The following ZNF469 variants were observed in gnomAD, a reference collection of about 807,000 sequenced individuals.
ZNF469 encodes zinc finger protein 469.
A neutral mutation model predicts 1.0 loss-of-function variants in ZNF469; 1 was observed. The observed-to-expected ratio is 1.00, with a 90% confidence interval of 0.35 to 4.73. The LOEUF (loss-of-function observed/expected upper bound fraction) is 4.73. Ranked by LOEUF, ZNF469 falls within the 30% of genes most tolerant of loss-of-function variation. The probability of loss-of-function intolerance (pLI) is 0.16; values close to 1 mark genes in which losing one functional copy is unlikely to be tolerated. For missense variants in ZNF469, 6,100 were observed against 5,356.3 expected (o/e 1.14, Z -4.33); for synonymous variants, 2,703 against 2,363.4 (o/e 1.14, Z -4.17).
chr16:88,289,960 G>T, the ZNF469 span, among the ~76,000 whole-genome samples: 1 of 152,192 alleles, frequency 6.6e-6, no homozygotes, highest in Admixed American at 6.5e-5. Context: ...ACATTGTCTG[G>T]AGCCTGAGGC....
the ZNF469 span, among the ~76,000 whole-genome samples, chr16:88,247,737 A>G: frequency 1.3e-5 from 2 of 151,446 alleles, no homozygotes; most frequent in Admixed American, 6.6e-5. Flanking sequence ...GAGTGAGTCA[A>G]TGAGTGAGTG....
At chr16:88,389,142 A>G (rs1904414982) in intron 1 of ZNF469, among the ~76,000 whole-genome samples, 1 of 152,202 alleles carries the variant, frequency 6.6e-6, no homozygotes, top group Non-Finnish European at 1.5e-5. Flanking sequence ...CACCCCAAAA[A>G]AAACCCTGTG....
Position 88,429,449 on chromosome 16 carries a change from A to T in ZNF469, c.1979A>T (p.His660Leu), listed in dbSNP as rs747984776. ...SPEPPHSLPT[H>L]YQPEPAKAFP... Reference sequence around the variant, plus strand: ...GAGCCCCCCCACTCCCTCCCCACCCACTACCAGCCAGAGCCAGCCAAGGCC... The same window carrying T: ...GAGCCCCCCCACTCCCTCCCCACCCTCTACCAGCCAGAGCCAGCCAAGGCC... Residue 660 changes from histidine (H) to leucine (L), a missense_variant, in exon 3 of 3, where the codon CAC becomes CTC. His to Leu is a moderately conservative substitution (Grantham distance 99, BLOSUM62 -3). Transcript: ENST00000565624. The T allele has an allele frequency of 1.3e-5, 8 of 613,566 alleles. No homozygotes were observed. In the Middle Eastern group the frequency reaches 9.5e-4, roughly 73 times the overall value. 38.0% of individuals were successfully genotyped at this position (613,566 alleles called of 1,614,324 possible). A position where few individuals can be genotyped will look rare whatever the true frequency, so the allele number is the denominator to read the frequency against.
the ZNF469 span, among the ~76,000 whole-genome samples, chr16:88,283,684 C>T: frequency 3.3e-5 from 5 of 152,194 alleles, no homozygotes; most frequent in East Asian, 1.9e-4. Context: ...GGAGTTGGAG[C>T]GGATTCTTAG....
rs1906895307 is a variant in ZNF469 at position 88,440,075 on chromosome 16, T to C, written c.*743T>C. 2 of 154,332 alleles carry C rather than the reference T, an allele frequency of 1.3e-5. No homozygotes were observed. The highest frequency in any genetic ancestry group is 6.4e-5 in the Admixed American group (1 of 15,738). 9.6% of individuals were successfully genotyped at this position (154,332 alleles called of 1,614,324 possible). A position where few individuals can be genotyped will look rare whatever the true frequency, so the allele number is the denominator to read the frequency against. ...CCTCCTCGTTCCCTCCCAGCCTCCA[T>C]GGCCGCCCTCTAGAGCCTCCCTGCT... is the stretch of plus-strand genomic sequence containing the variant. On this transcript the variant is annotated 3_prime_UTR_variant, in exon 3 of 3. Transcript: ENST00000565624.
intron 1 of ZNF469, among the ~76,000 whole-genome samples, chr16:88,402,935 G>A (rs367708725): frequency 5.9e-5 from 9 of 152,068 alleles, no homozygotes; most frequent in Non-Finnish European, 8.8e-5. Flanking sequence ...CCCCCACGCC[G>A]GGAACAGGAA....
At position 88,430,938 on chromosome 16, in the gene ZNF469, G is replaced by T; in HGVS notation, c.3468G>T (p.Glu1156Asp). The change falls in exon 3 of 3, where the codon GAG becomes GAT. Residue 1156 changes from glutamate to aspartate, a missense_variant. By Grantham distance (45) the Glu-to-Asp change is conservative. Transcript: ENST00000565624. Reference sequence around the variant, plus strand: ...GGGACGGAGCCCCCGCGAACCCCGAGGAGCCGGGCGGGTCTCGCCCGGGCC... The same window carrying T: ...GGGACGGAGCCCCCGCGAACCCCGATGAGCCGGGCGGGTCTCGCCCGGGCC... ...AGGDGAPANP[E>D]EPGGSRPGPG... The T allele has an allele frequency of 6.5e-7, 1 of 1,535,834 alleles. No homozygotes were observed. Among genetic ancestry groups the T allele is most frequent in the Non-Finnish European group, 8.7e-7 (1 of 1,145,064 alleles).
rs1906115477 is a variant in ZNF469, at chr16:88,430,837, G to C, written c.3367G>C (p.Glu1123Gln). Residue 1123 changes from glutamate to glutamine, a missense_variant, in exon 3 of 3, where the codon GAA (glutamate) becomes CAA (glutamine). Coordinates refer to ENST00000565624, the MANE Select transcript of ZNF469 (RefSeq NM_001367624.2). ...GCGGGGCCGAGGCGAGAAGAGGAAG[G>C]AAGTGGAGCTGACCCAGGGTCCCAG... ...GRRGRGEKRK[E>Q]VELTQGPRED... is the part of the protein sequence containing the mutation. 6.5e-7 allele frequency: 1 copy of C among 1,535,656 alleles called. No individual in the cohort carries two copies. The highest frequency in any genetic ancestry group is 8.7e-7 in the Non-Finnish European group (1 of 1,146,092).
At chr16:88,129,019 C>T in the ZNF469 span, among the ~76,000 whole-genome samples, 4 of 152,236 alleles carry the variant, frequency 2.6e-5, no homozygotes, top group African/African-American at 4.8e-5. Context: ...TGAATGATGG[C>T]GCTGTGCTTA....
chr16:88,270,387 C>A, the ZNF469 span, among the ~76,000 whole-genome samples: 1 of 152,214 alleles, frequency 6.6e-6, no homozygotes, highest in Non-Finnish European at 1.5e-5. Context: ...GCCCATGTGG[C>A]CGGCCAGCTC....
chr16:88,160,917 C>A, the ZNF469 span, among the ~76,000 whole-genome samples: 9,561 of 152,188 alleles, frequency 0.063, 418 homozygotes, highest in Admixed American at 0.12. Context: ...CCGAGGTGGG[C>A]GGATCATTTG....
chr16:88,102,802 G>A, the ZNF469 span, among the ~76,000 whole-genome samples: 1 of 152,226 alleles, frequency 6.6e-6, no homozygotes, highest in Non-Finnish European at 1.5e-5. Flanking sequence ...TCCACCGCAG[G>A]GCCCCTGATC....
chr16:88,247,230 G>A, the ZNF469 span, among the ~76,000 whole-genome samples: 1 of 95,700 alleles, frequency 1.0e-5, no homozygotes, highest in Non-Finnish European at 2.0e-5. Context: ...GAGTGAATGA[G>A]GGAGTGAATG....
chr16:88,313,023 G>A, the ZNF469 span, among the ~76,000 whole-genome samples: 1 of 152,176 alleles, frequency 6.6e-6, no homozygotes, highest in South Asian at 2.1e-4. Flanking sequence ...CTGATCTAGG[G>A]ATAACTGACA....
chr16:88,338,850 G>C, the ZNF469 span, among the ~76,000 whole-genome samples: 4 of 152,208 alleles, frequency 2.6e-5, no homozygotes, highest in African/African-American at 9.6e-5. Context: ...GGGAGGGGCA[G>C]CAGGGACCCT....
the ZNF469 span, among the ~76,000 whole-genome samples, chr16:88,173,318 T>C: frequency 6.6e-6 from 1 of 152,336 alleles, no homozygotes; most frequent in Admixed American, 6.5e-5. Flanking sequence ...GGAAGACATC[T>C]GTAATATGCT....
the ZNF469 span, among the ~76,000 whole-genome samples, chr16:88,184,005 G>C: frequency 6.6e-6 from 1 of 151,946 alleles, no homozygotes; most frequent in African/African-American, 2.4e-5. Context: ...TGTTCCTACC[G>C]GGAAGGAGGA....
Position 88,427,899 on chromosome 16 carries a change from G to T in ZNF469, c.429G>T (p.Glu143Asp). The T allele has an allele frequency of 6.5e-7, 1 of 1,549,870 alleles. No individual in the cohort carries two copies. Among genetic ancestry groups the T allele is most frequent in the Non-Finnish European group, 8.7e-7 (1 of 1,146,840 alleles). Residue 143 changes from glutamate (E) to aspartate (D), a missense_variant, in exon 3 of 3, where the codon GAG (glutamate) becomes GAT (aspartate). By Grantham distance (45) the Glu-to-Asp change is conservative. Transcript: ENST00000565624. ...AGACACCAGAGAACCCACAGCTGGA[G>T]GCTGCCCAGCTCCCTGAGGTGGACA... The part of the protein sequence containing the change: ...LDETPENPQL[E>D]AAQLPEVDTP...
In ZNF469 at chr16:88,436,567, C is replaced by T; in HGVS notation, c.9097C>T (p.Pro3033Ser). 1 of 1,542,170 alleles carries T rather than the reference C, an allele frequency of 6.5e-7. No homozygotes were observed. The highest frequency in any genetic ancestry group is 1.4e-5 in the African/African-American group (1 of 73,064). ...GAGAGAACGCTGTGACGGTGGGCTTCCCGGGAACACCCACCTGCTGCCGCT... is the reference window on the plus strand; with the variant it reads ...GAGAGAACGCTGTGACGGTGGGCTTTCCGGGAACACCCACCTGCTGCCGCT... ...LERERCDGGL[P>S]GNTHLLPLRA... Residue 3033 changes from proline to serine, a missense_variant, in exon 3 of 3, where the codon CCC (proline) becomes TCC (serine). By Grantham distance (74) the Pro-to-Ser change is moderately conservative. Coordinates refer to ENST00000565624, the MANE Select transcript of ZNF469 (RefSeq NM_001367624.2).
Sources: allele counts gnomAD v4.1 joint callset (sites outside exome capture counted in the v4.1 genomes callset), GRCh38; gene constraint gnomAD v4.1.1; transcripts MANE v1.5; gene names NCBI Gene and HGNC (gene_info 2026-07-23, HGNC 2026-07-21).